Variants in ALKBH1 observed in about 807,000 individuals in gnomAD.
ALKBH1 encodes the protein alkB homolog 1, histone H2A dioxygenase.
A neutral mutation model predicts 36.6 loss-of-function variants in ALKBH1; 31 were observed. That is an observed-to-expected ratio of 0.85 (90% CI 0.64 to 1.14). The LOEUF (loss-of-function observed/expected upper bound fraction) is 1.14, where lower values mean the gene tolerates loss of function less well. ALKBH1 is among the 50% of genes most tolerant of loss of function. The pLI is 0.00. For synonymous variants in ALKBH1, 183 were observed against 186.6 expected, an observed-to-expected ratio of 0.98 and a Z score of 0.16; for missense variants, 490 against 497.3, an observed-to-expected ratio of 0.99 and a Z score of 0.14.
At chr14:77,683,268 G>A in intron 3 of ALKBH1, 1 of 760,320 alleles carries the variant, frequency 1.3e-6, no homozygotes, top group Admixed American at 1.8e-5. Context: ...TTCTCACAAA[G>A]TGTGCTTCTC....
At chr14:77,674,303 G>T in intron 5 of ALKBH1, 62 bp from the exon 6 acceptor site, 1 of 1,432,542 alleles carries the variant, frequency 7.0e-7, no homozygotes, top group South Asian at 1.5e-5. Flanking sequence ...TATTAACTAT[G>T]ACTGGGAAAG....
At chr14:77,678,087 CAAAAAA>C (rs11440428) in intron 4 of ALKBH1, among the ~76,000 whole-genome samples, 1 of 55,082 alleles carries the variant, frequency 1.8e-5, no homozygotes, top group Non-Finnish European at 3.1e-5. Context: ...ATATTATCAC[CAAAAAA>C]AAAAAAAAAA....
intron 2 of ALKBH1, chr14:77,696,564 T>G (rs2080328134): frequency 6.6e-6 from 1 of 152,614 alleles, no homozygotes; most frequent in Non-Finnish European, 1.5e-5. Flanking sequence ...GGAGTGGCAC[T>G]GCTGGCTGAG....
Position 77,674,071 on chromosome 14 carries a change from C to T in ALKBH1, c.911G>A (p.Cys304Tyr), listed in dbSNP as rs775236107. ...PNPEGEGLPH[C>Y]LEAPLPAVLP... ...GACAGCAGGGAGAGGTGCCTCTAGGCAGTGAGGCAGGCCTTCCCCTTCTGG... is the reference window on the plus strand; with the variant it reads ...GACAGCAGGGAGAGGTGCCTCTAGGTAGTGAGGCAGGCCTTCCCCTTCTGG... The change falls in exon 6 of 6, where the codon TGC becomes TAC. Residue 304 changes from cysteine to tyrosine, a missense_variant. Cys to Tyr is a radical substitution (Grantham distance 194, BLOSUM62 -2). Transcript: ENST00000216489. The T allele has an allele frequency of 1.2e-6, 2 of 1,614,090 alleles. No individual in the cohort carries two copies. Among genetic ancestry groups the T allele is most frequent in the Non-Finnish European group, 1.7e-6 (2 of 1,180,012 alleles).
At chr14:77,679,851 A>T in intron 4 of ALKBH1, 29 bp downstream of exon 4, 1 of 1,568,092 alleles carries the variant, frequency 6.4e-7, no homozygotes, top group Non-Finnish European at 8.8e-7. Context: ...TATAAACAGA[A>T]AACAAAAGAA....
intron 2 of ALKBH1, among the ~76,000 whole-genome samples, chr14:77,698,730 A>G (rs1254036265): frequency 6.6e-6 from 1 of 152,196 alleles, no homozygotes; most frequent in Admixed American, 6.5e-5. Flanking sequence ...AGAACTAGAT[A>G]GTAAAGACTA....
At chr14:77,705,442 AAG>A (rs1054387518) in intron 1 of ALKBH1, among the ~76,000 whole-genome samples, 4 of 151,622 alleles carry the variant, frequency 2.6e-5, no homozygotes, top group African/African-American at 9.7e-5. Context: ...AGAGAATGAA[AAG>A]AGAGTGCTGT....
At chr14:77,685,259 A>G (rs1358631710) in intron 3 of ALKBH1, among the ~76,000 whole-genome samples, 1 of 152,050 alleles carries the variant, frequency 6.6e-6, no homozygotes, top group East Asian at 1.9e-4. Context: ...CCTGGCCAAC[A>G]TGGTGGAACA....
intron 3 of ALKBH1, among the ~76,000 whole-genome samples, chr14:77,681,001 CTTGT>C (rs1189195950): frequency 2.0e-5 from 3 of 152,114 alleles, no homozygotes; most frequent in East Asian, 1.9e-4. Flanking sequence ...AAAAAGGAAG[CTTGT>C]TTGTTTGGCT....
Position 77,695,725 on chromosome 14 carries a change from T to G in ALKBH1, c.293-825A>C, listed in dbSNP as rs370817813. Reference sequence around the variant, plus strand: ...TAGTGTCTCTGTATTATCTCAGTGTTTGTAAACAATTACAGCATGTGTGTT... The same window carrying G: ...TAGTGTCTCTGTATTATCTCAGTGTGTGTAAACAATTACAGCATGTGTGTT... On this transcript the variant is annotated intron_variant, in intron 2 of 5. Coordinates refer to ENST00000216489, the MANE Select transcript of ALKBH1 (RefSeq NM_006020.3). Among the ~76,000 whole-genome samples the G allele has an allele frequency of 2.4e-4, 36 of 152,332 alleles. No individual in the cohort carries two copies. The East Asian group carries it at 6.4e-3, about 27-fold the overall frequency.
chr14:77,701,534 T>A, intron 2 of ALKBH1, among the ~76,000 whole-genome samples: 1 of 152,096 alleles, frequency 6.6e-6, no homozygotes, highest in Non-Finnish European at 1.5e-5. Flanking sequence ...AGTCTTTTCT[T>A]CCCTAGATTC....
chr14:77,705,024 C>T (rs890774375), intron 1 of ALKBH1, among the ~76,000 whole-genome samples: 1 of 152,182 alleles, frequency 6.6e-6, no homozygotes, highest in African/African-American at 2.4e-5. Flanking sequence ...AAGCTATTTA[C>T]TTCAGTTAGG....
chr14:77,675,995 TTTC>T (rs1484056747), intron 4 of ALKBH1, 146 bp from the exon 5 acceptor site: 13 of 755,546 alleles, frequency 1.7e-5, no homozygotes, highest in Middle Eastern at 4.0e-4. Flanking sequence ...ATTCTTTTCT[TTTC>T]TTTTTTTTTT....
intron 3 of ALKBH1, chr14:77,683,222 G>C (rs1235583121): frequency 5.8e-6 from 4 of 695,290 alleles, no homozygotes; most frequent in African/African-American, 1.8e-5. Context: ...AATCCATAGA[G>C]AATAGGTTCC....
intron 1 of ALKBH1, among the ~76,000 whole-genome samples, chr14:77,705,411 GAAAAAAAAAA>G (rs56123313): frequency 2.6e-5 from 3 of 113,394 alleles, no homozygotes; most frequent in Non-Finnish European, 3.6e-5. Context: ...CTCCGTCTAA[GAAAAAAAAAA>G]AAAAAAAAAA....
chr14:77,687,852 G>A (rs2080276749), intron 3 of ALKBH1, among the ~76,000 whole-genome samples: 1 of 152,130 alleles, frequency 6.6e-6, no homozygotes, highest in South Asian at 2.1e-4. Flanking sequence ...AAGAAGAGAA[G>A]AAAGAAAACC....
At chr14:77,679,755 A>T in intron 4 of ALKBH1, 125 bp downstream of exon 4, 2 of 743,146 alleles carry the variant, frequency 2.7e-6, no homozygotes, top group Non-Finnish European at 4.4e-6. Context: ...TAAGGAAATA[A>T]AAGAAAGGGA....
At chr14:77,685,374 T>C (rs1343444609) in intron 3 of ALKBH1, among the ~76,000 whole-genome samples, 1 of 151,516 alleles carries the variant, frequency 6.6e-6, no homozygotes, top group Non-Finnish European at 1.5e-5. Context: ...ACCCAGAAGG[T>C]TGCAGTGGGC....
intron 3 of ALKBH1, among the ~76,000 whole-genome samples, chr14:77,684,424 C>T (rs775309154): frequency 3.3e-5 from 5 of 151,802 alleles, no homozygotes; most frequent in Non-Finnish European, 5.9e-5. Flanking sequence ...TGCAATGGTG[C>T]GATCTTGGCT....
Sources: allele counts gnomAD v4.1 joint callset (sites outside exome capture counted in the v4.1 genomes callset), GRCh38; gene constraint gnomAD v4.1.1; transcripts MANE v1.5; gene names NCBI Gene and HGNC (gene_info 2026-07-23, HGNC 2026-07-21).